The following GRIK1 variants were observed in gnomAD, a reference collection of about 807,000 sequenced individuals.
GRIK1 encodes glutamate ionotropic receptor kainate type subunit 1, also known as glutamate receptor ionotropic, kainate 1.
A neutral mutation model predicts 105.7 loss-of-function variants in GRIK1; 69 were observed. That is an observed-to-expected ratio of 0.65 (90% CI 0.54 to 0.80). The LOEUF (loss-of-function observed/expected upper bound fraction) is 0.80, where lower values mean the gene tolerates loss of function less well. GRIK1 is among the 30% of genes least tolerant of loss of function. GRIK1 has a pLI of 0.00. For synonymous variants in GRIK1, 438 were observed against 431.3 expected (o/e 1.02, Z -0.19); for missense variants, 1,109 against 1,167.3 (o/e 0.95, Z 0.73).
intron 2 of GRIK1, among the ~76,000 whole-genome samples, chr21:29,692,018 T>C (rs1256302188): frequency 6.6e-6 from 1 of 152,044 alleles, no homozygotes; most frequent in African/African-American, 2.4e-5. Flanking sequence ...AGTATGGGAG[T>C]GTGTGAACTC....
intron 1 of GRIK1, among the ~76,000 whole-genome samples, chr21:29,905,696 G>A (rs1052356821): frequency 7.7e-6 from 1 of 130,484 alleles, no homozygotes; most frequent in Non-Finnish European, 1.6e-5. Flanking sequence ...GAGGGATCTC[G>A]GCTCACTGCA....
intron 1 of GRIK1, among the ~76,000 whole-genome samples, chr21:29,758,640 C>T (rs923108334): frequency 9.9e-5 from 15 of 152,268 alleles, no homozygotes; most frequent in Admixed American, 6.5e-4. Context: ...ATTATTTTGA[C>T]GTTGTTGGAA....
At chr21:29,585,598 T>C (rs2091113853) in intron 12 of GRIK1, among the ~76,000 whole-genome samples, 1 of 152,158 alleles carries the variant, frequency 6.6e-6, no homozygotes. Context: ...CTGCGAAATA[T>C]GGAAACTACT....
intron 1 of GRIK1, among the ~76,000 whole-genome samples, chr21:29,926,787 A>G (rs879506387): frequency 1.3e-5 from 2 of 152,142 alleles, no homozygotes; most frequent in East Asian, 1.9e-4. Flanking sequence ...TATACTGTTT[A>G]GGCTAAGCTA....
At chr21:29,599,375 T>G (rs1431991338) in intron 7 of GRIK1, among the ~76,000 whole-genome samples, 2 of 152,222 alleles carry the variant, frequency 1.3e-5, no homozygotes, top group Non-Finnish European at 2.9e-5. Flanking sequence ...ATTGCAGTTT[T>G]TAGGCTGTTT....
chr21:29,886,579 C>T (rs572493673), intron 1 of GRIK1, among the ~76,000 whole-genome samples: 108 of 152,060 alleles, frequency 7.1e-4, no homozygotes, highest in African/African-American at 2.1e-3. Flanking sequence ...ATTACAACTT[C>T]GTACTTAAAA....
chr21:29,574,880 G>C (rs1187835438), intron 14 of GRIK1, among the ~76,000 whole-genome samples: 1 of 151,082 alleles, frequency 6.6e-6, no homozygotes, highest in Admixed American at 6.6e-5. Context: ...TTTTTTAGTA[G>C]AGACGGGGTT....
intron 1 of GRIK1, among the ~76,000 whole-genome samples, chr21:29,848,779 A>ATATATATATATATATATATATTT: frequency 1.8e-4 from 14 of 77,858 alleles, no homozygotes; most frequent in African/African-American, 8.2e-4. Flanking sequence ...ATATATATAT[A>ATATATATATATATATATATATTT]TTTTTTTTTT....
chr21:29,724,996 C>T (rs772134325), intron 1 of GRIK1, among the ~76,000 whole-genome samples: 77 of 145,890 alleles, frequency 5.3e-4, no homozygotes, highest in Non-Finnish European at 1.0e-3. Context: ...AACCTTGGTC[C>T]CTTTGCCACC....
intron 1 of GRIK1, among the ~76,000 whole-genome samples, chr21:29,713,844 G>C (rs1386246261): frequency 6.7e-6 from 1 of 150,170 alleles, no homozygotes; most frequent in Non-Finnish European, 1.5e-5. Context: ...GTTTTTTTTT[G>C]CTTCAGCTGT....
intron 1 of GRIK1, among the ~76,000 whole-genome samples, chr21:29,778,647 T>G (rs1475725369): frequency 2.0e-5 from 3 of 152,220 alleles, no homozygotes; most frequent in Non-Finnish European, 2.9e-5. Flanking sequence ...ACACATGCCC[T>G]ATCAAGAATG....
intron 1 of GRIK1, among the ~76,000 whole-genome samples, chr21:29,747,089 C>G (rs1569042489): frequency 6.6e-6 from 1 of 152,134 alleles, no homozygotes; most frequent in Non-Finnish European, 1.5e-5. Context: ...TCCCTGAGAG[C>G]TAAACTATGA....
chr21:29,939,628 C>A lies in GRIK1; in HGVS notation c.-128G>T. 1.7e-6 allele frequency: 1 copy of A among 600,798 alleles called. No homozygotes were observed. Among genetic ancestry groups the A allele is most frequent in the South Asian group, 2.2e-5 (1 of 45,608 alleles). 37.2% of individuals were successfully genotyped at this position (600,798 alleles called of 1,614,324 possible). ...CGGTTCCAAGCACGCTGCGCGCTCCCCACGGAGCGAGCTCGAGGGAACCCG... is the reference window on the plus strand; with the variant it reads ...CGGTTCCAAGCACGCTGCGCGCTCCACACGGAGCGAGCTCGAGGGAACCCG... On this transcript the variant is annotated 5_prime_UTR_variant, in exon 1 of 18. Coordinates refer to ENST00000327783, the MANE Select transcript of GRIK1 (RefSeq NM_001330994.2).
intron 7 of GRIK1, among the ~76,000 whole-genome samples, chr21:29,609,030 A>G (rs2061675985): frequency 6.6e-6 from 1 of 151,680 alleles, no homozygotes; most frequent in Admixed American, 6.6e-5. Context: ...TTATTATAAG[A>G]TATCTTGGGA....
At chr21:29,781,632 T>C (rs2066102628) in intron 1 of GRIK1, among the ~76,000 whole-genome samples, 1 of 150,942 alleles carries the variant, frequency 6.6e-6, no homozygotes, top group Admixed American at 6.6e-5. Context: ...TCCCTGTTCT[T>C]ACATGTGCAC....
chr21:29,729,850 C>T (rs1012313431), intron 1 of GRIK1, among the ~76,000 whole-genome samples: 1 of 152,088 alleles, frequency 6.6e-6, no homozygotes, highest in African/African-American at 2.4e-5. Flanking sequence ...GATTTTGAGT[C>T]TGAGGATTCT....
intron 1 of GRIK1, among the ~76,000 whole-genome samples, chr21:29,762,454 A>C (rs989579902): frequency 6.6e-6 from 1 of 152,246 alleles, no homozygotes; most frequent in African/African-American, 2.4e-5. Context: ...GAAGGTAAGC[A>C]GGCCACTTAC....
At chr21:29,626,340 G>A (rs1028794318) in intron 7 of GRIK1, among the ~76,000 whole-genome samples, 1 of 152,130 alleles carries the variant, frequency 6.6e-6, no homozygotes, top group African/African-American at 2.4e-5. Flanking sequence ...ACCTGCTGAA[G>A]GTCCCACCAC....
chr21:29,895,946 G>T (rs1010749839), intron 1 of GRIK1, among the ~76,000 whole-genome samples: 1 of 152,018 alleles, frequency 6.6e-6, no homozygotes, highest in Non-Finnish European at 1.5e-5. Flanking sequence ...TGTTTCCTTT[G>T]CTCCAGCCAC....
Sources: allele counts gnomAD v4.1 joint callset (sites outside exome capture counted in the v4.1 genomes callset), GRCh38; gene constraint gnomAD v4.1.1; transcripts MANE v1.5; gene names NCBI Gene and HGNC (gene_info 2026-07-23, HGNC 2026-07-21).